The following SLC26A5 variants were observed in gnomAD, a reference collection of about 807,000 sequenced individuals.
The protein encoded by SLC26A5 is prestin.
SLC26A5 carries 51 observed loss-of-function variants against 81.0 expected under a neutral mutation model. That is an observed-to-expected ratio of 0.63 (90% CI 0.50 to 0.80). SLC26A5 has a LOEUF of 0.80. SLC26A5 is among the 30% of genes least tolerant of loss of function. The pLI is 0.00. For synonymous variants in SLC26A5, 325 were observed against 332.8 expected (o/e 0.98, Z 0.25); for missense variants, 771 against 905.8 (o/e 0.85, Z 1.91).
At chr7:103,368,787 T>C (rs1219041436) in intron 19 of SLC26A5, 1 of 152,224 alleles carries the variant, frequency 6.6e-6, no homozygotes, top group Non-Finnish European at 1.5e-5. Context: ...TGATCTAATT[T>C]AGAAAGTCCA....
At chr7:103,409,468 CTA>C (rs1340932590) in intron 7 of SLC26A5, among the ~76,000 whole-genome samples, 1 of 152,064 alleles carries the variant, frequency 6.6e-6, no homozygotes, top group Non-Finnish European at 1.5e-5. Flanking sequence ...AGTTTTAAAG[CTA>C]TGTTTAGTTT....
chr7:103,412,653 G>A (rs553149356), intron 5 of SLC26A5, among the ~76,000 whole-genome samples: 8 of 150,266 alleles, frequency 5.3e-5, no homozygotes, highest in South Asian at 2.1e-4. Context: ...AGGTTGAAGC[G>A]ATTCTCCTGC....
intron 7 of SLC26A5, among the ~76,000 whole-genome samples, chr7:103,410,080 C>A (rs1824366039): frequency 3.3e-5 from 5 of 152,098 alleles, no homozygotes; most frequent in Admixed American, 3.3e-4. Flanking sequence ...CCAAAAAGAT[C>A]ATGATTTAGT....
intron 8 of SLC26A5, among the ~76,000 whole-genome samples, chr7:103,403,465 T>G (rs1456062721): frequency 1.3e-5 from 2 of 152,134 alleles, no homozygotes; most frequent in South Asian, 2.1e-4. Context: ...ATATTGACAG[T>G]GGGGTGTTAA....
chr7:103,413,253 T>G lies in SLC26A5; in HGVS notation c.293-141A>C, dbSNP rs1348123336. ...GCTGCAACCTGCCCTACCCCAGTCC[T>G]GCACATCATCTTACCTTGGTGCTGA... On this transcript the variant is annotated intron_variant, in intron 4 of 19. Transcript: ENST00000306312. The G allele has an allele frequency of 8.7e-6, 6 of 687,376 alleles. No homozygotes were observed. The East Asian group carries it at 1.4e-4, about 16-fold the overall frequency. 42.6% of individuals were successfully genotyped at this position (687,376 alleles called of 1,614,324 possible).
intron 5 of SLC26A5, among the ~76,000 whole-genome samples, chr7:103,412,485 T>C (rs1824561106): frequency 6.6e-6 from 1 of 152,090 alleles, no homozygotes; most frequent in South Asian, 2.1e-4. Context: ...ATTGTCTTTT[T>C]TATTATCCCA....
At chr7:103,355,535 G>A (rs1819984807) in intron 19 of SLC26A5, among the ~76,000 whole-genome samples, 1 of 149,658 alleles carries the variant, frequency 6.7e-6, no homozygotes, top group African/African-American at 2.4e-5. Flanking sequence ...GGCGTCTAGT[G>A]GTGAGAGGCC....
At chr7:103,362,306 A>G in intron 19 of SLC26A5, 1 of 1,380,244 alleles carries the variant, frequency 7.2e-7, no homozygotes, top group Non-Finnish European at 9.3e-7. Context: ...TTTATTATGA[A>G]TGGCTTCAAA....
intron 2 of SLC26A5, among the ~76,000 whole-genome samples, chr7:103,430,371 G>A (rs748940000): frequency 9.2e-5 from 14 of 152,218 alleles, no homozygotes; most frequent in African/African-American, 3.4e-4. Flanking sequence ...GAGCCAACGC[G>A]CCCAGCCAGA....
Position 103,377,594 on chromosome 7 carries a change from C to T in SLC26A5, c.1986+5G>A, listed in dbSNP as rs1214067414. 1 of 1,613,662 alleles carries T rather than the reference C, an allele frequency of 6.2e-7. No homozygotes were observed. The highest frequency in any genetic ancestry group is 8.5e-7 in the Non-Finnish European group (1 of 1,179,760). On this transcript the variant is annotated splice_donor_5th_base_variant and intron_variant, in intron 18 of 19. Coordinates refer to ENST00000306312, the MANE Select transcript of SLC26A5 (RefSeq NM_198999.3). ...ATTAAATGACTCGTTCAAGAGGATGCTTACCCCTGCCAGAGTTTTCACTCC... is the reference window on the plus strand; with the variant it reads ...ATTAAATGACTCGTTCAAGAGGATGTTTACCCCTGCCAGAGTTTTCACTCC...
intron 16 of SLC26A5, among the ~76,000 whole-genome samples, chr7:103,378,986 ATAT>A (rs1355617973): frequency 2.0e-5 from 3 of 152,182 alleles, no homozygotes; most frequent in African/African-American, 7.2e-5. Flanking sequence ...TTGAAAAGTA[ATAT>A]TATATATACG....
intron 10 of SLC26A5, 70 bp downstream of exon 10, chr7:103,392,849 T>C: frequency 6.3e-7 from 1 of 1,596,754 alleles, no homozygotes; most frequent in Non-Finnish European, 8.6e-7. Flanking sequence ...AGTGCTGGGA[T>C]TACAGGCGTG....
At chr7:103,421,752 G>A (rs1825369850) in intron 2 of SLC26A5, among the ~76,000 whole-genome samples, 185 bp from the exon 3 acceptor site, 1 of 152,064 alleles carries the variant, frequency 6.6e-6, no homozygotes, top group African/African-American at 2.4e-5. Flanking sequence ...TTAAAAAAAC[G>A]TGACTTATTC....
chr7:103,409,776 C>T (rs577657337), intron 7 of SLC26A5, among the ~76,000 whole-genome samples: 3 of 151,756 alleles, frequency 2.0e-5, no homozygotes, highest in South Asian at 2.1e-4. Flanking sequence ...GATGGGATCT[C>T]GGGTCACTAC....
chr7:103,401,841 T>A (rs1190578018), intron 8 of SLC26A5, among the ~76,000 whole-genome samples: 1 of 152,218 alleles, frequency 6.6e-6, no homozygotes, highest in Non-Finnish European at 1.5e-5. Context: ...TGGTTCTGTT[T>A]ATGTGATGGA....
Position 103,413,082 on chromosome 7 carries a change from G to A in SLC26A5, c.323C>T (p.Pro108Leu). The A allele has an allele frequency of 1.2e-6, 2 of 1,613,972 alleles. No homozygotes were observed. The highest frequency in any genetic ancestry group is 1.7e-6 in the Non-Finnish European group (2 of 1,179,912). ...GLAFAMLAAVPPIFGLYSSFY... is the reference protein window; with the variant it reads ...GLAFAMLAAVLPIFGLYSSFY... Reference sequence around the variant, plus strand: ...TGAAGAGTACAGGCCAAATATTGGAGGCACAGCTGCCAGCATTGCAAAGGC... The same window carrying A: ...TGAAGAGTACAGGCCAAATATTGGAAGCACAGCTGCCAGCATTGCAAAGGC... The change falls in exon 5 of 20, where the codon CCT becomes CTT. Residue 108 changes from proline to leucine, a missense_variant. Pro to Leu is a moderately conservative substitution (Grantham distance 98, BLOSUM62 -3). Coordinates refer to ENST00000306312, the MANE Select transcript of SLC26A5 (RefSeq NM_198999.3).
intron 14 of SLC26A5, 113 bp from the exon 15 acceptor site, chr7:103,380,662 T>G (rs1821703600): frequency 1.1e-6 from 1 of 908,260 alleles, no homozygotes; most frequent in Admixed American, 1.9e-5. Flanking sequence ...TGGGAATGCT[T>G]GATCCTTACA....
At chr7:103,365,907 G>A (rs954271054) in intron 19 of SLC26A5, among the ~76,000 whole-genome samples, 7 of 152,198 alleles carry the variant, frequency 4.6e-5, no homozygotes, top group Non-Finnish European at 8.8e-5. Flanking sequence ...CAGCCTGGGC[G>A]ACAGAGGAAG....
chr7:103,414,182 GC>G lies in SLC26A5; in HGVS notation c.293-1071del, dbSNP rs1180825970. Among the ~76,000 whole-genome samples the G allele has an allele frequency of 2.4e-3, 276 of 116,566 alleles. 1 individual carries two copies. The highest frequency in any genetic ancestry group is 8.9e-3 in the African/African-American group (249 of 27,844). 76.5% of individuals were successfully genotyped at this position (116,566 alleles called of 152,430 possible). On this transcript the variant is annotated intron_variant, in intron 4 of 19. Transcript: ENST00000306312. ...ATATTTTTACTGTCTTTGAAGTTTT[GC>G]CCCCCCCTTTTTTTTTTTTTAAGAC...
Sources: allele counts gnomAD v4.1 joint callset (sites outside exome capture counted in the v4.1 genomes callset), GRCh38; gene constraint gnomAD v4.1.1; transcripts MANE v1.5; gene names NCBI Gene and HGNC (gene_info 2026-07-23, HGNC 2026-07-21).